The following HAPSTR1 variants were observed in gnomAD, a reference collection of about 807,000 sequenced individuals.
HAPSTR1 encodes HUWE1 associated protein modifying stress responses, also known as HUWE1-associated protein modifying stress responses 1.
At chr16:9,102,894 T>C in the HAPSTR1 span, 1 of 1,374,880 alleles carries the variant, frequency 7.3e-7, no homozygotes, top group Non-Finnish European at 9.9e-7. Flanking sequence ...TGGTATTCAC[T>C]TTGGTTAAAT....
At chr16:9,117,262 T>G in the HAPSTR1 span, 38 of 102,028 alleles carry the variant, frequency 3.7e-4, 1 homozygote, top group Admixed American at 7.6e-4. Context: ...ATAGAATGCT[T>G]TTTTTTTTTT....
the HAPSTR1 span, chr16:9,103,186 A>G: frequency 6.2e-7 from 1 of 1,614,142 alleles, no homozygotes; most frequent in Non-Finnish European, 8.5e-7. Flanking sequence ...CCCCTAACCG[A>G]GCTACTTCAA....
the HAPSTR1 span, among the ~76,000 whole-genome samples, chr16:9,113,498 C>T: frequency 3.3e-5 from 5 of 152,250 alleles, no homozygotes; most frequent in East Asian, 5.8e-4. Flanking sequence ...GTGTTTTGAG[C>T]CTTCCATATT....
At chr16:9,102,704 C>T in the HAPSTR1 span, among the ~76,000 whole-genome samples, 1 of 152,102 alleles carries the variant, frequency 6.6e-6, no homozygotes, top group Admixed American at 6.5e-5. Context: ...TAGGTAATTT[C>T]ATTAAAGATA....
chr16:9,091,777 G>A, the HAPSTR1 span: 1 of 395,286 alleles, frequency 2.5e-6, no homozygotes, highest in African/African-American at 2.1e-5. Context: ...CCGAGGCGAG[G>A]GGCGGCAGCG....
At chr16:9,093,318 C>G in the HAPSTR1 span, among the ~76,000 whole-genome samples, 1 of 152,182 alleles carries the variant, frequency 6.6e-6, no homozygotes, top group Non-Finnish European at 1.5e-5. Context: ...CCGGCCCCCT[C>G]TCAGCGAAGA....
the HAPSTR1 span, among the ~76,000 whole-genome samples, chr16:9,094,661 A>G: frequency 1.3e-5 from 2 of 152,178 alleles, no homozygotes; most frequent in Non-Finnish European, 2.9e-5. Flanking sequence ...TCACCCATCG[A>G]GTTCGCATTG....
At chr16:9,113,907 A>C in the HAPSTR1 span, among the ~76,000 whole-genome samples, 1 of 152,196 alleles carries the variant, frequency 6.6e-6, no homozygotes, top group African/African-American at 2.4e-5. Flanking sequence ...CTGGTGTTGG[A>C]GAGGTGAATA....
the HAPSTR1 span, chr16:9,102,997 C>G: frequency 6.2e-7 from 1 of 1,613,758 alleles, no homozygotes; most frequent in South Asian, 1.1e-5. Context: ...GCGTGGATAC[C>G]CATCAACGAA....
chr16:9,115,291 A>G, the HAPSTR1 span, among the ~76,000 whole-genome samples: 3 of 152,218 alleles, frequency 2.0e-5, no homozygotes, highest in African/African-American at 7.2e-5. Context: ...ATTAGAAAGA[A>G]TGGGCCCCTG....
chr16:9,092,216 A>C, the HAPSTR1 span: 2 of 1,587,742 alleles, frequency 1.3e-6, no homozygotes, highest in East Asian at 2.3e-5. Flanking sequence ...CAAGCAGCAG[A>C]AGCTGTGGCA....
chr16:9,093,757 G>A, the HAPSTR1 span, among the ~76,000 whole-genome samples: 1 of 151,902 alleles, frequency 6.6e-6, no homozygotes, highest in African/African-American at 2.4e-5. Flanking sequence ...GTAAGTAAAC[G>A]TTCTTGCCCA....
the HAPSTR1 span, among the ~76,000 whole-genome samples, chr16:9,101,285 A>G: frequency 2.6e-5 from 4 of 152,232 alleles, no homozygotes; most frequent in Non-Finnish European, 5.9e-5. Context: ...ATTTACATTC[A>G]AAATGGAGTT....
At chr16:9,117,004 C>CATG in the HAPSTR1 span, 8 of 1,532,426 alleles carry the variant, frequency 5.2e-6, no homozygotes, top group Middle Eastern at 2.4e-4. Context: ...AGGCCATCTT[C>CATG]CCTTGTTCAC....
the HAPSTR1 span, chr16:9,116,744 G>C: frequency 3.1e-6 from 5 of 1,614,028 alleles, no homozygotes; most frequent in African/African-American, 6.7e-5. Flanking sequence ...GCAGTGGATC[G>C]AATGCTAGTC....
chr16:9,093,031 C>G, the HAPSTR1 span: 21 of 1,583,874 alleles, frequency 1.3e-5, no homozygotes, highest in East Asian at 4.5e-5. Context: ...ATTGCCGATT[C>G]AGGGAAGGGC....
chr16:9,092,816 C>G, the HAPSTR1 span: 2 of 1,222,750 alleles, frequency 1.6e-6, no homozygotes, highest in South Asian at 1.4e-5. Flanking sequence ...TATGGCCGTT[C>G]CGGAGTGATT....
At chr16:9,094,675 G>A in the HAPSTR1 span, among the ~76,000 whole-genome samples, 1 of 152,150 alleles carries the variant, frequency 6.6e-6, no homozygotes, top group Non-Finnish European at 1.5e-5. Flanking sequence ...CGCATTGCAG[G>A]TGTGCATAGT....
chr16:9,093,647 C>T, the HAPSTR1 span, among the ~76,000 whole-genome samples: 1 of 152,168 alleles, frequency 6.6e-6, no homozygotes, highest in African/African-American at 2.4e-5. Context: ...TTATAAGTTG[C>T]TGGCAGGAAT....
Sources: gnomAD v4.1 joint callset for allele counts (sites outside exome capture counted in the v4.1 genomes callset) on GRCh38, gnomAD v4.1.1 for gene constraint, MANE v1.5 for transcripts, NCBI Gene and HGNC (gene_info 2026-07-23, HGNC 2026-07-21) for gene names.